Variants in KBTBD11 observed in about 807,000 individuals in gnomAD.
KBTBD11 encodes kelch repeat and BTB domain containing 11.
For missense variants in KBTBD11, 1,390 were observed against 1,001.8 expected, an observed-to-expected ratio of 1.39 and a Z score of -5.23; for synonymous variants, 747 against 499.0, an observed-to-expected ratio of 1.50 and a Z score of -6.63.
At chr8:1,990,264 C>T (rs1373539883) in intron 1 of KBTBD11, among the ~76,000 whole-genome samples, 1 of 129,442 alleles carries the variant, frequency 7.7e-6, no homozygotes, top group Non-Finnish European at 1.6e-5. Context: ...GGCCTTGGCG[C>T]CCTGTCTGGG....
In KBTBD11 at chr8:2,004,154, G is replaced by A. The variant is rs1007006746; in HGVS notation, c.*1090G>A. Reference sequence around the variant, plus strand: ...CATAGATTTATAACAAGGAAGTGACGTGCTTATCACCATAGATTTGCAAGT... The same window carrying A: ...CATAGATTTATAACAAGGAAGTGACATGCTTATCACCATAGATTTGCAAGT... On this transcript the variant is annotated 3_prime_UTR_variant, in exon 2 of 2. Transcript: ENST00000320248. 4 of 166,938 alleles carry A rather than the reference G, an allele frequency of 2.4e-5. No individual in the cohort carries two copies. Among genetic ancestry groups the A allele is most frequent in the Non-Finnish European group, 4.4e-5 (3 of 68,114 alleles). The allele number at this position is 166,938 out of a possible 1,614,324, so 10.3% of individuals were successfully genotyped here.
At chr8:1,999,936 T>C (rs1372933474) in intron 1 of KBTBD11, among the ~76,000 whole-genome samples, 1 of 151,734 alleles carries the variant, frequency 6.6e-6, no homozygotes, top group African/African-American at 2.4e-5. Flanking sequence ...TTGAAAACAG[T>C]TAATTGTTGA....
chr8:1,974,128 C>G (rs113479611), intron 1 of KBTBD11, among the ~76,000 whole-genome samples, 193 bp downstream of exon 1: 374 of 18,880 alleles, frequency 0.02, 2 homozygotes, highest in Admixed American at 0.12. Context: ...GGGAGCGGAG[C>G]GGAGGGGAGG....
intron 1 of KBTBD11, among the ~76,000 whole-genome samples, chr8:1,980,358 C>G (rs913951422): frequency 6.6e-6 from 1 of 151,556 alleles, no homozygotes; most frequent in African/African-American, 2.4e-5. Flanking sequence ...TCCGGAGTAG[C>G]TGGGATTACA....
chr8:1,990,222 T>TGGG (rs1816861637), intron 1 of KBTBD11, among the ~76,000 whole-genome samples: 1 of 145,512 alleles, frequency 6.9e-6, no homozygotes, highest in Non-Finnish European at 1.5e-5. Context: ...AGGTGGGTGC[T>TGGG]GGGCCTTGGT....
intron 1 of KBTBD11, among the ~76,000 whole-genome samples, chr8:1,996,187 G>A (rs1356257703): frequency 6.6e-6 from 1 of 152,334 alleles, no homozygotes; most frequent in East Asian, 1.9e-4. Flanking sequence ...ATGTGGGCAC[G>A]GCCCACCCAG....
intron 1 of KBTBD11, among the ~76,000 whole-genome samples, chr8:1,989,189 C>T (rs186158767): frequency 3.3e-5 from 5 of 152,286 alleles, no homozygotes; most frequent in Non-Finnish European, 4.4e-5. Flanking sequence ...TGAGTCGGGC[C>T]ACAGGGAAGG....
Position 2,001,170 on chromosome 8 carries a change from G to A in KBTBD11, c.-23G>A. ...AGGCTGCGGAACCGGGGGCGCGCGGGCGCAGCGCAGCACAGCCCGGCCATG... is the reference window on the plus strand; with the variant it reads ...AGGCTGCGGAACCGGGGGCGCGCGGACGCAGCGCAGCACAGCCCGGCCATG... On this transcript the variant is annotated 5_prime_UTR_variant, in exon 2 of 2. Coordinates refer to ENST00000320248, the MANE Select transcript of KBTBD11 (RefSeq NM_014867.3). 7.7e-7 allele frequency: 1 copy of A among 1,301,438 alleles called. No individual in the cohort carries two copies. The highest frequency in any genetic ancestry group is 9.8e-7 in the Non-Finnish European group (1 of 1,025,552). 80.6% of individuals were successfully genotyped at this position (1,301,438 alleles called of 1,614,324 possible).
At position 2,001,983 on chromosome 8, in the gene KBTBD11, TG is replaced by T; in HGVS notation, c.793del (p.Glu265ArgfsTer76). On this transcript the variant is annotated frameshift_variant, in exon 2 of 2. Coordinates refer to ENST00000320248, the MANE Select transcript of KBTBD11 (RefSeq NM_014867.3). LOFTEE classifies it low-confidence loss of function (END_TRUNC). ...TACTGCTTCATGAGCGACCACTATCTGGAGGTGCTGCGCGAGCCCGCCGTGT... is the reference window on the plus strand; with the variant it reads ...TACTGCTTCATGAGCGACCACTATCTGAGGTGCTGCGCGAGCCCGCCGTGT... ...AAYCFMSDHY[L>X]EVLREPAVFG... 1 of 1,444,282 alleles carries T rather than the reference TG, an allele frequency of 6.9e-7. No individual in the cohort carries two copies. Among genetic ancestry groups the T allele is most frequent in the Admixed American group, 2.1e-5 (1 of 47,548 alleles). The allele number at this position is 1,444,282 out of a possible 1,614,324, so 89.5% of individuals were successfully genotyped here.
chr8:1,974,039 G>T (rs1267575367), intron 1 of KBTBD11, 104 bp downstream of exon 1: 3 of 945,552 alleles, frequency 3.2e-6, no homozygotes, highest in Non-Finnish European at 1.3e-6. Context: ...TGGTCGGCGA[G>T]AGCGGCAGTA....
chr8:1,974,367 C>T (rs77885111), intron 1 of KBTBD11: 114,229 of 984,568 alleles, frequency 0.12, 7,041 homozygotes, highest in Non-Finnish European at 0.12. Context: ...CCCCAGCCGG[C>T]ACGGAAGCAG....
rs529262932 is a variant in KBTBD11 at position 2,005,259 on chromosome 8, C to A, written c.*2195C>A. 5.4e-5 allele frequency: 9 copies of A among 167,096 alleles called. No homozygotes were observed. Among genetic ancestry groups the A allele is most frequent in the Non-Finnish European group, 1.2e-4 (8 of 68,124 alleles). 10.4% of individuals were successfully genotyped at this position (167,096 alleles called of 1,614,324 possible). On this transcript the variant is annotated 3_prime_UTR_variant, in exon 2 of 2. Coordinates refer to ENST00000320248, the MANE Select transcript of KBTBD11 (RefSeq NM_014867.3). ...CCCTGTCACCTCACAACAAAATGCA[C>A]TAAGAAACGTAAAGAATAAGAGGAA... is the stretch of plus-strand genomic sequence containing the variant.
intron 1 of KBTBD11, chr8:1,974,243 G>T: frequency 1.1e-6 from 1 of 951,570 alleles, no homozygotes; most frequent in Non-Finnish European, 1.3e-6. Flanking sequence ...GGGCGTGGGG[G>T]CCTCCTCGCG....
Position 1,973,716 on chromosome 8 carries a change from C to G in KBTBD11, c.-1128C>G. On this transcript the variant is annotated 5_prime_UTR_variant, in exon 1 of 2. Transcript: ENST00000320248. ...CCCCTCGCAGCCTGGAGCCGGAGCG[C>G]TGGCTCCGCGCGGCCTGGAGAGGCG... 1.0e-6 allele frequency: 1 copy of G among 983,830 alleles called. No homozygotes were observed. The highest frequency in any genetic ancestry group is 1.7e-5 in the African/African-American group (1 of 57,188). The allele number at this position is 983,830 out of a possible 1,614,324, so 60.9% of individuals were successfully genotyped here.
Position 2,001,045 on chromosome 8 carries a change from CA to C in KBTBD11, c.-146del. ...GAGATTCCCCCCTTCACACACACAA[CA>C]ACAAAGCGTGGACACACAGAAGTGA... On this transcript the variant is annotated 5_prime_UTR_variant, in exon 2 of 2. It introduces an in-frame stop codon into an upstream open reading frame of the 5' UTR. Transcript: ENST00000320248. The C allele has an allele frequency of 2.7e-6, 3 of 1,121,026 alleles. No individual in the cohort carries two copies. Among genetic ancestry groups the C allele is most frequent in the Middle Eastern group, 3.3e-4 (1 of 3,030 alleles). The allele number at this position is 1,121,026 out of a possible 1,614,324, so 69.4% of individuals were successfully genotyped here. A position where few individuals can be genotyped will look rare whatever the true frequency, so the allele number is the denominator to read the frequency against.
chr8:2,001,183 C>G lies in KBTBD11; in HGVS notation c.-10C>G. ...GGGGGCGCGCGGGCGCAGCGCAGCA[C>G]AGCCCGGCCATGGAGCACGCGGTGG... On this transcript the variant is annotated 5_prime_UTR_variant, in exon 2 of 2. Transcript: ENST00000320248. 7.5e-7 allele frequency: 1 copy of G among 1,337,702 alleles called. No individual in the cohort carries two copies. The highest frequency in any genetic ancestry group is 3.1e-5 in the East Asian group (1 of 32,376). 82.9% of individuals were successfully genotyped at this position (1,337,702 alleles called of 1,614,324 possible). A position where few individuals can be genotyped will look rare whatever the true frequency, so the allele number is the denominator to read the frequency against.
chr8:1,977,082 G>GTTT (rs35601452), intron 1 of KBTBD11, among the ~76,000 whole-genome samples: 1 of 145,430 alleles, frequency 6.9e-6, no homozygotes, highest in African/African-American at 2.6e-5. Flanking sequence ...AACATTATGA[G>GTTT]TTTTTTTTTT....
In KBTBD11 at chr8:2,001,864, C is replaced by A; in HGVS notation, c.672C>A (p.Thr224=). The change falls in exon 2 of 2, where the codon ACC becomes ACA. Residue 224 remains threonine (T), a synonymous_variant. Coordinates refer to ENST00000320248, the MANE Select transcript of KBTBD11 (RefSeq NM_014867.3). ...TGCCCGGCGCCGCGCAGCGCGCCACCGACGCCGTGGGGCCGCAGCTGAGCC... is the reference window on the plus strand; with the variant it reads ...TGCCCGGCGCCGCGCAGCGCGCCACAGACGCCGTGGGGCCGCAGCTGAGCC... ...LQLPGAAQRA[T]DAVGPQLSLA... is the part of the protein sequence containing the mutation. 7.7e-7 allele frequency: 1 copy of A among 1,303,888 alleles called. No homozygotes were observed. The highest frequency in any genetic ancestry group is 9.8e-7 in the Non-Finnish European group (1 of 1,018,352). The allele number at this position is 1,303,888 out of a possible 1,614,324, so 80.8% of individuals were successfully genotyped here.
At chr8:1,983,482 C>T (rs1483993631) in intron 1 of KBTBD11, among the ~76,000 whole-genome samples, 2 of 152,190 alleles carry the variant, frequency 1.3e-5, no homozygotes, top group South Asian at 2.1e-4. Flanking sequence ...TTCCATCATC[C>T]GTCGGGTTAT....
Sources: allele counts gnomAD v4.1 joint callset (sites outside exome capture counted in the v4.1 genomes callset), GRCh38; gene constraint gnomAD v4.1.1; transcripts MANE v1.5; gene names NCBI Gene and HGNC (gene_info 2026-07-23, HGNC 2026-07-21).